The following CRADD variants were observed in gnomAD, a reference collection of about 807,000 sequenced individuals.
CRADD encodes CARD and death domain containing adaptor protein.
In CRADD, 9 loss-of-function variants were observed where a neutral mutation model predicts 15.5. The observed-to-expected ratio is 0.58, with a 90% CI of 0.35 to 1.01. CRADD has a LOEUF of 1.01. Ranked by LOEUF, CRADD falls within the 50% of genes least tolerant of loss-of-function variation. The probability of loss-of-function intolerance (pLI) is 0.02; values close to 1 mark genes in which losing one functional copy is unlikely to be tolerated. For missense variants in CRADD, 227 were observed against 250.3 expected (o/e 0.91, Z 0.63); for synonymous variants, 118 against 107.6 (o/e 1.10, Z -0.60).
intron 2 of CRADD, among the ~76,000 whole-genome samples, chr12:93,701,382 T>A (rs1192104031): frequency 6.6e-6 from 1 of 151,724 alleles, no homozygotes; most frequent in Non-Finnish European, 1.5e-5. Flanking sequence ...GCTCCACAGT[T>A]ACCAGAGGCC....
intron 2 of CRADD, among the ~76,000 whole-genome samples, chr12:93,737,180 A>G (rs1047407126): frequency 1.3e-5 from 2 of 152,168 alleles, no homozygotes; most frequent in African/African-American, 4.8e-5. Context: ...AAACAGGGAG[A>G]TGTGGACCCA....
chr12:93,772,421 TGAA>T (rs1362447703), intron 2 of CRADD, among the ~76,000 whole-genome samples: 1 of 152,232 alleles, frequency 6.6e-6, no homozygotes, highest in East Asian at 1.9e-4. Flanking sequence ...TTAGAACTCT[TGAA>T]GTCAGGTAAT....
chr12:93,797,685 T>C (rs970518607), intron 2 of CRADD, among the ~76,000 whole-genome samples: 2 of 152,222 alleles, frequency 1.3e-5, no homozygotes, highest in Non-Finnish European at 2.9e-5. Context: ...TGGTACTGTA[T>C]TTTATGTGTG....
intron 2 of CRADD, among the ~76,000 whole-genome samples, chr12:93,888,396 G>T (rs1048955660): frequency 2.2e-4 from 32 of 148,216 alleles, no homozygotes; most frequent in Non-Finnish European, 7.4e-5. Flanking sequence ...CTGCACTCCA[G>T]CCTGGGTGAC....
At chr12:93,764,286 G>A (rs141842471) in intron 2 of CRADD, among the ~76,000 whole-genome samples, 69 of 150,614 alleles carry the variant, frequency 4.6e-4, no homozygotes, top group Non-Finnish European at 7.4e-4. Flanking sequence ...GGAGGCTATC[G>A]CACTAACCCT....
intron 2 of CRADD, among the ~76,000 whole-genome samples, chr12:93,726,094 G>GTTTTTTTTTTTTTTTT (rs1165429350): frequency 3.1e-5 from 3 of 96,012 alleles, no homozygotes; most frequent in Non-Finnish European, 6.1e-5. Context: ...AAATAGTTTA[G>GTTTTTTTTTTTTTTTT]TTTTTTTTTT....
At chr12:93,863,470 T>A (rs1192530787) in intron 2 of CRADD, among the ~76,000 whole-genome samples, 1 of 152,056 alleles carries the variant, frequency 6.6e-6, no homozygotes, top group African/African-American at 2.4e-5. Flanking sequence ...GAACGTAGCT[T>A]GTTTGTTTTT....
chr12:93,836,878 G>T (rs1957978170), intron 2 of CRADD, among the ~76,000 whole-genome samples: 1 of 152,208 alleles, frequency 6.6e-6, no homozygotes, highest in African/African-American at 2.4e-5. Context: ...TGAGTGTGTA[G>T]GGTTGGGGGC....
intron 2 of CRADD, chr12:93,815,031 T>C (rs1957677450): frequency 6.6e-6 from 1 of 152,156 alleles, no homozygotes; most frequent in Non-Finnish European, 1.5e-5. Flanking sequence ...GTCACAATGA[T>C]TGGGGGTGGG....
chr12:93,868,214 C>T (rs757530136), intron 2 of CRADD, among the ~76,000 whole-genome samples: 12 of 152,140 alleles, frequency 7.9e-5, no homozygotes, highest in Non-Finnish European at 1.5e-4. Flanking sequence ...TGCATCATTG[C>T]TTGTAATAAC....
chr12:93,805,686 T>C (rs1157039743), intron 2 of CRADD, among the ~76,000 whole-genome samples: 1 of 152,210 alleles, frequency 6.6e-6, no homozygotes, highest in Non-Finnish European at 1.5e-5. Flanking sequence ...TTAGCAAGAC[T>C]GCTGGAAATC....
At chr12:93,740,227 G>C (rs1289496564) in intron 2 of CRADD, among the ~76,000 whole-genome samples, 1 of 152,120 alleles carries the variant, frequency 6.6e-6, no homozygotes, top group South Asian at 2.1e-4. Context: ...TGCCAAAACA[G>C]ACCAGTTGTT....
rs538073562 is a variant in CRADD, at chr12:93,816,369, G to A, written c.299-33601G>A. Among the ~76,000 whole-genome samples the A allele has an allele frequency of 1.4e-4, 19 of 134,952 alleles. No individual in the cohort carries two copies. In the South Asian group the frequency reaches 4.0e-3, roughly 29 times the overall value. The allele number at this position is 134,952 out of a possible 152,430, so 88.5% of individuals were successfully genotyped here. ...GTAGCTGGGATTACAGGCGTGTGCCGTGATGCCTGGCTAATTTTTTTTTTT... is the reference window on the plus strand; with the variant it reads ...GTAGCTGGGATTACAGGCGTGTGCCATGATGCCTGGCTAATTTTTTTTTTT... On this transcript the variant is annotated intron_variant, in intron 2 of 2. Transcript: ENST00000332896.
downstream of CRADD, among the ~76,000 whole-genome samples, chr12:93,852,509 C>T (rs545151599): frequency 7.9e-5 from 12 of 152,374 alleles, no homozygotes; most frequent in African/African-American, 2.9e-4. Context: ...GTCTTCACCA[C>T]CAAATGGCGG....
chr12:93,734,375 T>C (rs1956526584), intron 2 of CRADD, among the ~76,000 whole-genome samples: 2 of 152,224 alleles, frequency 1.3e-5, no homozygotes, highest in African/African-American at 2.4e-5. Context: ...AACAAAAATA[T>C]TTTGAGATTA....
Position 93,850,511 on chromosome 12 carries a change from A to G in CRADD, c.*240A>G, listed in dbSNP as rs1593044483. 1.6e-6 allele frequency: 2 copies of G among 1,246,676 alleles called. No homozygotes were observed. Among genetic ancestry groups the G allele is most frequent in the Middle Eastern group, 3.1e-4 (1 of 3,242 alleles). 77.2% of individuals were successfully genotyped at this position (1,246,676 alleles called of 1,614,324 possible). On this transcript the variant is annotated 3_prime_UTR_variant, in exon 3 of 3. Coordinates refer to ENST00000332896, the MANE Select transcript of CRADD (RefSeq NM_003805.5). This position sits in a 1 kb window ranked among gnomAD's most constrained non-coding sequence, Gnocchi z 4.0. ...ATTGCTTGAAGATTGCATTGTTGTA[A>G]TTGTTCAGTTTTTAAATGTGTAATG... is the stretch of plus-strand genomic sequence containing the variant.
intron 2 of CRADD, among the ~76,000 whole-genome samples, chr12:93,891,254 C>A: frequency 6.6e-6 from 1 of 151,760 alleles, no homozygotes. Flanking sequence ...TTTGGGAGGC[C>A]GAGACAGGCA....
At chr12:93,744,378 C>T (rs1015494408) in intron 2 of CRADD, among the ~76,000 whole-genome samples, 1 of 152,194 alleles carries the variant, frequency 6.6e-6, no homozygotes, top group Non-Finnish European at 1.5e-5. Flanking sequence ...CAAAGGCAGC[C>T]ACAGTGTGCA....
intron 2 of CRADD, among the ~76,000 whole-genome samples, chr12:93,806,870 G>A (rs1199129148): frequency 6.6e-6 from 1 of 152,112 alleles, no homozygotes; most frequent in Non-Finnish European, 1.5e-5. Context: ...AGCACATCTT[G>A]AAAGATCTGA....
Sources: gnomAD v4.1 joint callset for allele counts (sites outside exome capture counted in the v4.1 genomes callset) on GRCh38, gnomAD v4.1.1 for gene constraint, Gnocchi (gnomAD v3.1) non-coding constraint, MANE v1.5 for transcripts, NCBI Gene and HGNC (gene_info 2026-07-23, HGNC 2026-07-21) for gene names.